Variants in NLK observed in about 807,000 individuals in gnomAD.
NLK encodes the protein serine/threonine-protein kinase NLK.
In NLK, 11 loss-of-function variants were observed where a neutral mutation model predicts 59.0. The observed-to-expected ratio is 0.19, with a 90% CI of 0.12 to 0.31. NLK has a LOEUF of 0.31. NLK is among the 10% of genes least tolerant of loss of function. The pLI, the probability that NLK is intolerant of heterozygous loss-of-function variation, is 1.00. For missense variants in NLK, 410 were observed against 661.1 expected (o/e 0.62, Z 4.16); for synonymous variants, 235 against 235.9 (o/e 1.00, Z 0.03).
At chr17:28,112,859 TAATGATGAAGGA>T in intron 1 of NLK, among the ~76,000 whole-genome samples, 1 of 152,286 alleles carries the variant, frequency 6.6e-6, no homozygotes, top group East Asian at 1.9e-4. Context: ...TATTCTTGTG[TAATGATGAAGGA>T]AATGTTTGTT....
intron 2 of NLK, among the ~76,000 whole-genome samples, chr17:28,123,009 A>C (rs1222630451): frequency 6.6e-6 from 1 of 151,840 alleles, no homozygotes; most frequent in South Asian, 2.1e-4. Context: ...TTTTATATAT[A>C]CTCTTTATGT....
At chr17:28,165,087 T>G (rs550365450) in intron 5 of NLK, among the ~76,000 whole-genome samples, 1 of 152,288 alleles carries the variant, frequency 6.6e-6, no homozygotes, top group South Asian at 2.1e-4. Context: ...TACTAAAGTA[T>G]TCCTTCTATA....
chr17:28,062,207 G>T (rs1267890689), intron 1 of NLK: 1 of 152,046 alleles, frequency 6.6e-6, no homozygotes, highest in Non-Finnish European at 1.5e-5. Context: ...TTTTTCTGAG[G>T]ATGTCTAGAA....
intron 6 of NLK, among the ~76,000 whole-genome samples, chr17:28,169,721 C>CTTTTTTTTTTTTT (rs1193124964): frequency 1.4e-4 from 16 of 111,600 alleles, no homozygotes; most frequent in African/African-American, 4.1e-4. Flanking sequence ...GCTTCTTCTT[C>CTTTTTTTTTTTTT]TTTTTTTTTT....
At chr17:28,166,981 A>T (rs1483058181) in intron 5 of NLK, among the ~76,000 whole-genome samples, 1 of 152,210 alleles carries the variant, frequency 6.6e-6, no homozygotes, top group Non-Finnish European at 1.5e-5. Context: ...ATATTTATAC[A>T]TTTGAGTATG....
Position 28,194,996 on chromosome 17 carries a change from C to G in NLK, c.*360C>G. ...AAGTGAGATTGTTCACACACACACACACACACACACACACACACAAACACA... is the reference window on the plus strand; with the variant it reads ...AAGTGAGATTGTTCACACACACACAGACACACACACACACACACAAACACA... On this transcript the variant is annotated 3_prime_UTR_variant, in exon 11 of 11. Transcript: ENST00000407008. 1 of 165,766 alleles carries G rather than the reference C, an allele frequency of 6.0e-6. No homozygotes were observed. Among genetic ancestry groups the G allele is most frequent in the South Asian group, 2.0e-4 (1 of 5,094 alleles). The allele number at this position is 165,766 out of a possible 1,614,324, so 10.3% of individuals were successfully genotyped here.
chr17:28,100,434 T>G (rs1243434363), intron 1 of NLK, among the ~76,000 whole-genome samples: 2 of 152,226 alleles, frequency 1.3e-5, no homozygotes, highest in Non-Finnish European at 2.9e-5. Flanking sequence ...AATATGTCAG[T>G]CTTTTAAAAC....
chr17:28,074,713 A>C (rs1486209394), intron 1 of NLK, among the ~76,000 whole-genome samples: 1 of 152,172 alleles, frequency 6.6e-6, no homozygotes, highest in Admixed American at 6.6e-5. Flanking sequence ...GCATCTTTTC[A>C]CATATTTGAA....
intron 1 of NLK, among the ~76,000 whole-genome samples, chr17:28,046,898 A>G (rs1909075968): frequency 6.6e-6 from 1 of 152,200 alleles, no homozygotes; most frequent in African/African-American, 2.4e-5. Flanking sequence ...GATTAATTAA[A>G]AGATCAAAAA....
intron 3 of NLK, among the ~76,000 whole-genome samples, chr17:28,137,920 T>C (rs977612054): frequency 1.3e-5 from 2 of 152,080 alleles, no homozygotes; most frequent in African/African-American, 4.8e-5. Flanking sequence ...CTAGGAAATA[T>C]ATTATTTAAT....
rs146668648 is a variant in NLK at position 28,162,618 on chromosome 17, C to T, written c.752-925C>T. Among the ~76,000 whole-genome samples the T allele has an allele frequency of 6.9e-3, 1,046 of 152,194 alleles. 8 individuals are homozygous for T. Among genetic ancestry groups the T allele is most frequent in the Non-Finnish European group, 9.5e-3 (649 of 68,018 alleles). ...CGTCACTGCACTCCATCCTGGGCAACAGAGTGAGACTCCGTCTCAAAAAAA... is the reference window on the plus strand; with the variant it reads ...CGTCACTGCACTCCATCCTGGGCAATAGAGTGAGACTCCGTCTCAAAAAAA... On this transcript the variant is annotated intron_variant, in intron 4 of 10. Transcript: ENST00000407008.
chr17:28,043,070 A>G lies in NLK; in HGVS notation c.197A>G (p.Gln66Arg), dbSNP rs1908920610. Residue 66 changes from glutamine to arginine, a missense_variant, in exon 1 of 11, where the codon CAG becomes CGG. Gln to Arg is a conservative substitution (Grantham distance 43, BLOSUM62 1). Coordinates refer to ENST00000407008, the MANE Select transcript of NLK (RefSeq NM_016231.5). Reference protein sequence around the residue: ...GSAAAVHPVQQHTSSAAAAAA... With the variant: ...GSAAAVHPVQRHTSSAAAAAA... ...GCTGCCGCTGTACACCCTGTACAGC[A>G]GCACACCTCTTCGGCAGCTGCGGCA... 1.3e-6 allele frequency: 2 copies of G among 1,568,054 alleles called. No individual in the cohort carries two copies. Among genetic ancestry groups the G allele is most frequent in the Non-Finnish European group, 1.7e-6 (2 of 1,155,754 alleles).
chr17:28,190,027 G>A (rs1909252834), intron 8 of NLK, among the ~76,000 whole-genome samples: 1 of 152,112 alleles, frequency 6.6e-6, no homozygotes, highest in African/African-American at 2.4e-5. Flanking sequence ...TTATTATTTG[G>A]GAACGAGAAC....
intron 7 of NLK, among the ~76,000 whole-genome samples, chr17:28,184,576 G>A (rs1909042169): frequency 6.6e-6 from 1 of 152,176 alleles, no homozygotes; most frequent in African/African-American, 2.4e-5. Flanking sequence ...GCTAGCAGGA[G>A]TGCCATATTT....
intron 1 of NLK, among the ~76,000 whole-genome samples, chr17:28,062,982 G>A (rs925996832): frequency 1.3e-5 from 2 of 152,168 alleles, no homozygotes; most frequent in African/African-American, 2.4e-5. Flanking sequence ...CCAGGTTGGA[G>A]TGCAGTGGCA....
At chr17:28,047,952 A>G (rs954570251) in intron 1 of NLK, 2 of 398,316 alleles carry the variant, frequency 5.0e-6, no homozygotes, top group Admixed American at 4.4e-5. Context: ...TTTCTCCACT[A>G]TCAGCCGAGA....
intron 7 of NLK, among the ~76,000 whole-genome samples, chr17:28,176,455 AC>A (rs1207666249): frequency 6.6e-6 from 1 of 152,224 alleles, no homozygotes; most frequent in African/African-American, 2.4e-5. Context: ...CTTCTTATAT[AC>A]TAGCTCATTA....
chr17:28,099,568 CTTTTTTT>C (rs945214545), intron 1 of NLK, among the ~76,000 whole-genome samples: 3 of 122,968 alleles, frequency 2.4e-5, no homozygotes, highest in African/African-American at 1.0e-4. Flanking sequence ...TTGTGTTTGA[CTTTTTTT>C]TTTTTTTTTT....
intron 1 of NLK, among the ~76,000 whole-genome samples, chr17:28,075,254 C>A (rs967932874): frequency 2.0e-5 from 3 of 152,182 alleles, no homozygotes; most frequent in Non-Finnish European, 4.4e-5. Context: ...AGAAACCTCT[C>A]TCTAAGGTGA....
Sources: allele counts gnomAD v4.1 joint callset (sites outside exome capture counted in the v4.1 genomes callset), GRCh38; gene constraint gnomAD v4.1.1; transcripts MANE v1.5; gene names NCBI Gene and HGNC (gene_info 2026-07-23, HGNC 2026-07-21).